Variants in XYLT1 observed in about 807,000 individuals in gnomAD.
XYLT1 encodes xylosyltransferase 1, also known as beta-D-xylosyltransferase 1.
Under a neutral mutation model 91.3 loss-of-function variants are expected in XYLT1, and 36 were observed. That is an observed-to-expected ratio of 0.39 (90% confidence interval 0.30 to 0.52). The LOEUF is 0.52. XYLT1 is among the 20% of genes least tolerant of loss of function. The pLI, the probability that XYLT1 is intolerant of heterozygous loss-of-function variation, is 0.68. For synonymous variants in XYLT1, 588 were observed against 532.0 expected (o/e 1.11, Z -1.45); for missense variants, 1,242 against 1,284.5 (o/e 0.97, Z 0.51).
intron 1 of XYLT1, among the ~76,000 whole-genome samples, chr16:17,415,593 G>A (rs1485862733): frequency 6.6e-6 from 1 of 152,174 alleles, no homozygotes; most frequent in African/African-American, 2.4e-5. Flanking sequence ...TCAGGAGGCT[G>A]TGGCAGGAGA....
chr16:17,349,240 A>G (rs773615919), intron 2 of XYLT1, among the ~76,000 whole-genome samples: 1 of 152,270 alleles, frequency 6.6e-6, no homozygotes, highest in Non-Finnish European at 1.5e-5. Context: ...TGAGTGATCT[A>G]TAGCAAGCAA....
chr16:17,366,635 C>A (rs969614038), intron 1 of XYLT1, among the ~76,000 whole-genome samples: 1 of 152,180 alleles, frequency 6.6e-6, no homozygotes, highest in Non-Finnish European at 1.5e-5. Flanking sequence ...GCAGAGGCTG[C>A]AGTGAGCCAA....
At chr16:17,325,700 GA>G (rs1263058080) in intron 2 of XYLT1, among the ~76,000 whole-genome samples, 2 of 152,244 alleles carry the variant, frequency 1.3e-5, no homozygotes, top group African/African-American at 2.4e-5. Context: ...ATGAGTGGGG[GA>G]AAAAATTCCA....
At chr16:17,290,440 C>T (rs970252394) in intron 2 of XYLT1, among the ~76,000 whole-genome samples, 4 of 152,202 alleles carry the variant, frequency 2.6e-5, no homozygotes, top group Non-Finnish European at 5.9e-5. Flanking sequence ...CTGGAGGCTG[C>T]CATGACTCTT....
intron 3 of XYLT1, among the ~76,000 whole-genome samples, chr16:17,225,177 ACT>A (rs1555488928): frequency 2.7e-5 from 4 of 147,356 alleles, no homozygotes; most frequent in Non-Finnish European, 4.5e-5. Context: ...ACACACACAC[ACT>A]CTCTCTCTCT....
At chr16:17,425,329 C>G (rs1360661150) in intron 1 of XYLT1, among the ~76,000 whole-genome samples, 3 of 152,148 alleles carry the variant, frequency 2.0e-5, no homozygotes, top group African/African-American at 4.8e-5. Context: ...ACCCAGAAGG[C>G]TGCTCATTAA....
chr16:17,465,454 C>CCAT (rs1567213203), intron 1 of XYLT1, among the ~76,000 whole-genome samples: 1 of 151,624 alleles, frequency 6.6e-6, no homozygotes, highest in Admixed American at 6.6e-5. Flanking sequence ...ACATAACAAG[C>CCAT]CATCATAAGA....
intron 1 of XYLT1, among the ~76,000 whole-genome samples, chr16:17,422,360 C>A (rs1207743906): frequency 6.6e-6 from 1 of 152,006 alleles, no homozygotes; most frequent in South Asian, 2.1e-4. Flanking sequence ...CTATGCCCAG[C>A]TAATTTTTTA....
At chr16:17,239,446 GTCCATTCATCCA>G (rs2033306568) in intron 3 of XYLT1, among the ~76,000 whole-genome samples, 1 of 131,164 alleles carries the variant, frequency 7.6e-6, no homozygotes, top group Non-Finnish European at 1.6e-5. Context: ...TACTCATCCA[GTCCATTCATCCA>G]TCCATCCATC....
chr16:17,112,251 C>A (rs139424541), intron 11 of XYLT1, among the ~76,000 whole-genome samples: 3 of 152,228 alleles, frequency 2.0e-5, no homozygotes, highest in Middle Eastern at 6.8e-3. Flanking sequence ...TTACCAGGGA[C>A]GCATCAATAG....
intron 11 of XYLT1, among the ~76,000 whole-genome samples, chr16:17,116,219 T>A (rs11641613): frequency 6.6e-6 from 1 of 151,820 alleles, no homozygotes; most frequent in Non-Finnish European, 1.5e-5. Flanking sequence ...GAAATAGAAG[T>A]ATAAAAGTAA....
At chr16:17,281,809 G>A (rs772028453) in intron 2 of XYLT1, among the ~76,000 whole-genome samples, 9 of 152,172 alleles carry the variant, frequency 5.9e-5, no homozygotes, top group Non-Finnish European at 1.3e-4. Context: ...GGGTGCCACC[G>A]TGGGCCACAA....
chr16:17,315,508 G>A (rs10468258), intron 2 of XYLT1, among the ~76,000 whole-genome samples: 25,512 of 148,862 alleles, frequency 0.17, 2,873 homozygotes, highest in African/African-American at 0.33. Flanking sequence ...ACAGCAGATC[G>A]TTATTGTAAC....
intron 2 of XYLT1, among the ~76,000 whole-genome samples, chr16:17,276,578 G>A (rs747292430): frequency 1.4e-4 from 21 of 152,130 alleles, no homozygotes; most frequent in Admixed American, 9.2e-4. Flanking sequence ...ACCAACTTTC[G>A]CGTGCACTGT....
At chr16:17,212,595 C>A (rs1367655247) in intron 3 of XYLT1, among the ~76,000 whole-genome samples, 2 of 152,156 alleles carry the variant, frequency 1.3e-5, no homozygotes, top group Non-Finnish European at 2.9e-5. Flanking sequence ...CATTATTTTT[C>A]TCCCACTCTG....
At chr16:17,316,821 AGAT>A (rs1421588970) in intron 2 of XYLT1, among the ~76,000 whole-genome samples, 1 of 142,910 alleles carries the variant, frequency 7.0e-6, no homozygotes, top group Non-Finnish European at 1.5e-5. Flanking sequence ...AACCACAGGC[AGAT>A]TTTTTTTTTT....
intron 3 of XYLT1, among the ~76,000 whole-genome samples, chr16:17,221,843 A>AAT (rs140780825): frequency 0.01 from 1,577 of 152,318 alleles, 22 homozygotes; most frequent in African/African-American, 0.036. Context: ...GAGCCAGGGC[A>AAT]ATGCTGGGCT....
chr16:17,419,353 CAAAA>C lies in XYLT1; in HGVS notation c.363+51077_363+51080del, dbSNP rs751794932. The stretch of plus-strand genomic sequence containing the variant: ...CAAGATCCTGTCTCAAAAACAAAAA[CAAAA>C]AAAGATAGACTGCTCTTATGTCATT... On this transcript the variant is annotated intron_variant, in intron 1 of 11. Coordinates refer to ENST00000261381, the MANE Select transcript of XYLT1 (RefSeq NM_022166.4). 5.3e-5 allele frequency among the ~76,000 whole-genome samples: 8 copies of C among 151,672 alleles called. No individual in the cohort carries two copies. In the East Asian group the frequency reaches 1.2e-3, roughly 22 times the overall value.
At chr16:17,120,735 A>G (rs1553086) in intron 10 of XYLT1, among the ~76,000 whole-genome samples, 144,957 of 152,218 alleles carry the variant, frequency 0.95, 69,084 homozygotes, top group Middle Eastern at 0.98. Context: ...GGCAGGGACT[A>G]TATATGGCAT....
Sources: gnomAD v4.1 joint callset for allele counts (sites outside exome capture counted in the v4.1 genomes callset) on GRCh38, gnomAD v4.1.1 for gene constraint, MANE v1.5 for transcripts, NCBI Gene and HGNC (gene_info 2026-07-23, HGNC 2026-07-21) for gene names.